Variants in FHL2 observed in about 807,000 individuals in gnomAD.
FHL2 encodes the protein four and a half LIM domains protein 2.
Under a neutral mutation model 32.7 loss-of-function variants are expected in FHL2, and 20 were observed. The ratio of observed to expected loss-of-function variants is 0.61; its 90% CI spans 0.43 to 0.89. FHL2 has a LOEUF of 0.89. Ranked by LOEUF, FHL2 falls within the 40% of genes least tolerant of loss-of-function variation. The probability of loss-of-function intolerance (pLI) is 0.00; values close to 1 mark genes in which losing one functional copy is unlikely to be tolerated. For synonymous variants in FHL2, 123 were observed against 128.1 expected (o/e 0.96, Z 0.27); for missense variants, 311 against 358.6 (o/e 0.87, Z 1.07).
chr2:105,365,687 A>C (rs1680581938), intron 5 of FHL2, among the ~76,000 whole-genome samples: 1 of 151,806 alleles, frequency 6.6e-6, no homozygotes, highest in Non-Finnish European at 1.5e-5. Context: ...AAAAAAAAAA[A>C]AAAAATTAGG....
chr2:105,397,639 A>G (rs56047853), intron 1 of FHL2, among the ~76,000 whole-genome samples: 30,430 of 152,154 alleles, frequency 0.2, 3,183 homozygotes, highest in South Asian at 0.25. Context: ...GCCTTCATCG[A>G]CATGTTATGG....
intron 4 of FHL2, among the ~76,000 whole-genome samples, chr2:105,368,189 G>A (rs1347199273): frequency 6.6e-6 from 1 of 151,850 alleles, no homozygotes; most frequent in African/African-American, 2.4e-5. Flanking sequence ...AATGGCTAGA[G>A]TGTGAATGAA....
chr2:105,374,911 CCAGTTGGTAGGTATCCTGAA>C (rs1239566959), intron 3 of FHL2, among the ~76,000 whole-genome samples: 2 of 152,170 alleles, frequency 1.3e-5, no homozygotes, highest in African/African-American at 4.8e-5. Context: ...GGGCAGGCTT[CCAGTTGGTAGGTATCCTGAA>C]CAGGGCACAG....
chr2:105,405,423 T>C (rs756153844), intron 1 of FHL2, among the ~76,000 whole-genome samples: 2 of 152,182 alleles, frequency 1.3e-5, no homozygotes, highest in Non-Finnish European at 2.9e-5. Context: ...TTATGTTATT[T>C]TATTTGAGAC....
intron 1 of FHL2, among the ~76,000 whole-genome samples, chr2:105,431,083 C>T (rs1018043706): frequency 3.9e-5 from 6 of 152,196 alleles, no homozygotes; most frequent in African/African-American, 9.7e-5. Context: ...TGCCATGACC[C>T]TTATGATGGG....
At chr2:105,407,628 G>A (rs550841068) in intron 1 of FHL2, among the ~76,000 whole-genome samples, 6 of 152,184 alleles carry the variant, frequency 3.9e-5, no homozygotes, top group African/African-American at 1.4e-4. Flanking sequence ...ATCTCTGCCT[G>A]AATTAAAGGA....
intron 4 of FHL2, among the ~76,000 whole-genome samples, chr2:105,371,546 A>ATCTCTCTCAATCTCTC (rs1681064067): frequency 7.1e-6 from 1 of 140,970 alleles, no homozygotes; most frequent in Non-Finnish European, 1.5e-5. Context: ...ATCCCTTGAA[A>ATCTCTCTCAATCTCTC]TCTCTCTCTC....
chr2:105,368,255 C>T (rs1680778581), intron 4 of FHL2, among the ~76,000 whole-genome samples: 1 of 152,226 alleles, frequency 6.6e-6, no homozygotes, highest in Non-Finnish European at 1.5e-5. Context: ...ACTTTACATA[C>T]TGCCTGTTGA....
At chr2:105,414,522 A>C (rs546915803) in intron 1 of FHL2, among the ~76,000 whole-genome samples, 2 of 151,692 alleles carry the variant, frequency 1.3e-5, no homozygotes, top group East Asian at 3.9e-4. Flanking sequence ...TACTCTTGTC[A>C]CTCAAGAGAT....
intron 1 of FHL2, among the ~76,000 whole-genome samples, chr2:105,404,815 T>C (rs757224639): frequency 3.3e-5 from 5 of 152,250 alleles, no homozygotes; most frequent in Non-Finnish European, 7.3e-5. Flanking sequence ...CCATATCCCA[T>C]TTCTTCCCTC....
At chr2:105,379,957 C>T (rs769960917) in intron 3 of FHL2, among the ~76,000 whole-genome samples, 15 of 152,214 alleles carry the variant, frequency 9.9e-5, no homozygotes, top group Non-Finnish European at 1.8e-4. Context: ...AATTATGCCA[C>T]GGGGTTTCCC....
chr2:105,359,146 A>T (rs576996787), downstream of FHL2: 13 of 152,286 alleles, frequency 8.5e-5, no homozygotes, highest in Admixed American at 7.8e-4. Flanking sequence ...ATGACTGTTA[A>T]TTTGGAGGAG....
chr2:105,361,487 T>G, intron 6 of FHL2, 53 bp from the exon 7 acceptor site: 1 of 1,531,808 alleles, frequency 6.5e-7, no homozygotes, highest in Non-Finnish European at 9.0e-7. Context: ...ATCAGGCAAC[T>G]GGGACTGAAG....
chr2:105,380,761 G>C (rs889723967), intron 3 of FHL2, among the ~76,000 whole-genome samples: 1 of 151,900 alleles, frequency 6.6e-6, no homozygotes. Flanking sequence ...AATTCCTCTA[G>C]AGAGAAATTG....
chr2:105,435,040 A>ATTTTACTACC (rs1684563176), intron 1 of FHL2, among the ~76,000 whole-genome samples: 1 of 152,214 alleles, frequency 6.6e-6, no homozygotes, highest in Non-Finnish European at 1.5e-5. Context: ...ATGTAGAGAA[A>ATTTTACTACC]AATGTAACAT....
In FHL2 at chr2:105,391,653, T is replaced by C. The variant is rs538835282; in HGVS notation, c.-25+4994A>G. Among the ~76,000 whole-genome samples the C allele has an allele frequency of 4.6e-5, 7 of 152,276 alleles. No individual in the cohort carries two copies. The East Asian group carries it at 9.7e-4, about 21-fold the overall frequency. On this transcript the variant is annotated intron_variant, in intron 2 of 6. Coordinates refer to ENST00000530340, the MANE Select transcript of FHL2 (RefSeq NM_001318895.3). ...ACTGCATGGAAGCCTGCCTTTACTA[T>C]GCAAGACAGGGGGCAATGACTCCTA...
At chr2:105,399,709 T>G (rs575646595), upstream of FHL2, 3 of 1,296,204 alleles carry the variant, frequency 2.3e-6, no homozygotes, top group South Asian at 4.6e-5. Flanking sequence ...CCGGGCCCTC[T>G]GCGTGACGCT....
At chr2:105,364,693 C>G (rs922959865) in intron 5 of FHL2, among the ~76,000 whole-genome samples, 1 of 152,182 alleles carries the variant, frequency 6.6e-6, no homozygotes, top group Non-Finnish European at 1.5e-5. Context: ...CACAATCACA[C>G]TTTTTTGCTT....
intron 5 of FHL2, 101 bp from the exon 6 acceptor site, chr2:105,363,572 C>T (rs990198824): frequency 3.1e-5 from 35 of 1,146,648 alleles, no homozygotes; most frequent in Middle Eastern, 2.9e-4. Flanking sequence ...CATCCAGAAA[C>T]GTCCAGTTTG....
Sources: gnomAD v4.1 joint callset for allele counts (sites outside exome capture counted in the v4.1 genomes callset) on GRCh38, gnomAD v4.1.1 for gene constraint, MANE v1.5 for transcripts, NCBI Gene and HGNC (gene_info 2026-07-23, HGNC 2026-07-21) for gene names.